NAA15: variants seen among roughly 807,000 people sequenced by gnomAD.
NAA15 encodes the protein N-alpha-acetyltransferase 15, NatA auxiliary subunit.
Under a neutral mutation model 114.0 loss-of-function variants are expected in NAA15, and 34 were observed. The observed-to-expected ratio is 0.30, with a 90% confidence interval of 0.23 to 0.40. The LOEUF (loss-of-function observed/expected upper bound fraction) is 0.40, where lower values mean the gene tolerates loss of function less well. Among genes scored for constraint, NAA15 ranks in the 10% least tolerant of loss-of-function variants. The pLI is 1.00. For missense variants in NAA15, 658 were observed against 1,004.5 expected (o/e 0.66, Z 4.66); for synonymous variants, 340 against 338.0 (o/e 1.01, Z -0.06).
intron 1 of NAA15, among the ~76,000 whole-genome samples, chr4:139,323,279 A>G (rs1173662056): frequency 6.6e-6 from 1 of 151,682 alleles, no homozygotes; most frequent in Non-Finnish European, 1.5e-5. Context: ...CTGGTCTCGA[A>G]CTCCTGACCT....
Position 139,386,198 on chromosome 4 carries a change from C to G in NAA15, c.2368C>G (p.Leu790Val). The change falls in exon 19 of 20, where the codon CTT becomes GTT. Residue 790 changes from leucine (L) to valine (V), a missense_variant. This residue lies in a region of NAA15 where 275 missense variants were observed against 371.1 expected (regional missense o/e 0.74). Coordinates refer to ENST00000296543, the MANE Select transcript of NAA15 (RefSeq NM_057175.5). ...GCGAGCTATAGAGTTGGCAACAACA[C>G]TTGATGAATCTCTCACTAACAGAAA... Reference protein sequence around the residue: ...QKRAIELATTLDESLTNRNLQ... With the variant: ...QKRAIELATTVDESLTNRNLQ... 6.2e-7 allele frequency: 1 copy of G among 1,608,786 alleles called. No individual in the cohort carries two copies. The highest frequency in any genetic ancestry group is 8.5e-7 in the Non-Finnish European group (1 of 1,176,544).
At chr4:139,347,499 G>A (rs781193732) in intron 6 of NAA15, among the ~76,000 whole-genome samples, 12 of 152,118 alleles carry the variant, frequency 7.9e-5, no homozygotes, top group Non-Finnish European at 5.9e-5. Context: ...TTAGCTGGGT[G>A]TGTTGGCTTA....
chr4:139,324,382 G>A (rs1461799865), intron 1 of NAA15, among the ~76,000 whole-genome samples: 3 of 152,296 alleles, frequency 2.0e-5, no homozygotes, highest in South Asian at 2.1e-4. Flanking sequence ...TTCTTCCATA[G>A]CAAGGGAAAT....
chr4:139,310,017 G>A (rs529933209), intron 1 of NAA15, among the ~76,000 whole-genome samples: 1 of 152,226 alleles, frequency 6.6e-6, no homozygotes, highest in African/African-American at 2.4e-5. Flanking sequence ...CGGTGTGATT[G>A]GGGGACTGGA....
At chr4:139,326,522 A>G (rs981742242) in intron 1 of NAA15, among the ~76,000 whole-genome samples, 1 of 152,236 alleles carries the variant, frequency 6.6e-6, no homozygotes, top group Non-Finnish European at 1.5e-5. Context: ...ATAAGATTAT[A>G]GAATTAAAGT....
At chr4:139,340,532 T>A (rs1349965873) in intron 3 of NAA15, among the ~76,000 whole-genome samples, 1 of 152,152 alleles carries the variant, frequency 6.6e-6, no homozygotes, top group Non-Finnish European at 1.5e-5. Context: ...ATATAGTAAC[T>A]GTTTACATAT....
At chr4:139,376,530 T>G in intron 16 of NAA15, 57 bp downstream of exon 16, 5 of 1,050,814 alleles carry the variant, frequency 4.8e-6, no homozygotes, top group Non-Finnish European at 7.4e-6. Flanking sequence ...TTCTTAGGTA[T>G]AGTCACCCAA....
At chr4:139,367,897 C>T (rs1193075701) in intron 14 of NAA15, among the ~76,000 whole-genome samples, 1 of 152,202 alleles carries the variant, frequency 6.6e-6, no homozygotes, top group Non-Finnish European at 1.5e-5. Flanking sequence ...TTTTATAACA[C>T]TGTTGCTAAA....
intron 1 of NAA15, among the ~76,000 whole-genome samples, chr4:139,315,023 T>G (rs534398663): frequency 1.5e-5 from 2 of 129,684 alleles, no homozygotes; most frequent in African/African-American, 7.3e-5. Context: ...TAGGTTAGGT[T>G]AGGTTAGGTT....
At chr4:139,314,899 A>G (rs975222473) in intron 1 of NAA15, among the ~76,000 whole-genome samples, 6 of 151,752 alleles carry the variant, frequency 4.0e-5, no homozygotes, top group African/African-American at 1.2e-4. Flanking sequence ...GATGGTCTCA[A>G]TCTCTTGACA....
intron 17 of NAA15, among the ~76,000 whole-genome samples, chr4:139,381,651 C>G (rs1370121439): frequency 6.6e-6 from 1 of 151,870 alleles, no homozygotes; most frequent in Admixed American, 6.6e-5. Flanking sequence ...TGTACTATAA[C>G]CTAGTAGTGA....
chr4:139,387,038 A>G (rs148725420), intron 19 of NAA15, among the ~76,000 whole-genome samples: 64 of 152,346 alleles, frequency 4.2e-4, no homozygotes, highest in African/African-American at 1.4e-3. Context: ...TATTCATTTA[A>G]TAGCAAATGA....
At position 139,359,767 on chromosome 4, in the gene NAA15, G is replaced by A; in HGVS notation, c.1282G>A (p.Ala428Thr). 6.2e-7 allele frequency: 1 copy of A among 1,602,874 alleles called. No homozygotes were observed. The highest frequency in any genetic ancestry group is 8.5e-7 in the Non-Finnish European group (1 of 1,177,726). Residue 428 changes from alanine (A) to threonine (T), a missense_variant, in exon 12 of 20, where the codon GCA becomes ACA. Ala to Thr is a moderately conservative substitution (Grantham distance 58, BLOSUM62 0). This residue lies in a region of NAA15 where 281 missense variants were observed against 389.1 expected (regional missense o/e 0.72). Transcript: ENST00000296543. The part of the protein sequence containing the change: ...YKHAGNIKEA[A>T]RWMDEAQALD... Reference sequence around the variant, plus strand: ...GCATGCTGGAAATATTAAAGAAGCTGCAAGGTGGATGGATGAGGCCCAGGC... The same window carrying A: ...GCATGCTGGAAATATTAAAGAAGCTACAAGGTGGATGGATGAGGCCCAGGC...
At chr4:139,309,468 TG>T (rs1311393417) in intron 1 of NAA15, among the ~76,000 whole-genome samples, 1 of 143,778 alleles carries the variant, frequency 7.0e-6, no homozygotes, top group East Asian at 2.1e-4. Context: ...TGTGTGTGTG[TG>T]TCCAGGATTT....
At chr4:139,332,361 C>T (rs6828287) in intron 1 of NAA15, among the ~76,000 whole-genome samples, 9,394 of 151,774 alleles carry the variant, frequency 0.062, 955 homozygotes, top group African/African-American at 0.21. Context: ...GAACTTCTGA[C>T]CTCGTGATCT....
chr4:139,382,410 T>C (rs1748778628), intron 17 of NAA15, among the ~76,000 whole-genome samples: 1 of 152,086 alleles, frequency 6.6e-6, no homozygotes, highest in Non-Finnish European at 1.5e-5. Context: ...TTGTTTAATC[T>C]GATTAAAACA....
At position 139,337,492 on chromosome 4, in the gene NAA15, CTG is replaced by C. The variant is rs1458030181; in HGVS notation, c.244+544_244+545del. Among the ~76,000 whole-genome samples the C allele has an allele frequency of 3.3e-5, 5 of 152,244 alleles. No individual in the cohort carries two copies. In the East Asian group the frequency reaches 9.6e-4, roughly 29 times the overall value. ...AATGGGGATAATCATACCCACCTCA[CTG>C]TGTTGGTTTAAAGACTTAATGATGA... is the stretch of plus-strand genomic sequence containing the variant. On this transcript the variant is annotated intron_variant, in intron 3 of 19. Transcript: ENST00000296543.
At position 139,370,420 on chromosome 4, in the gene NAA15, G is replaced by GT. The variant is rs1748403756; in HGVS notation, c.1947+19dup. On this transcript the variant is annotated intron_variant, in intron 15 of 19. Coordinates refer to ENST00000296543, the MANE Select transcript of NAA15 (RefSeq NM_057175.5). ...ACTGGCCAAGGTACTTAATAATAGT[G>GT]TTTAGCACAATTGAGTGACATTTTA... is the stretch of plus-strand genomic sequence containing the variant. The GT allele has an allele frequency of 6.5e-7, 1 of 1,531,216 alleles. No individual in the cohort carries two copies. Among genetic ancestry groups the GT allele is most frequent in the Admixed American group, 2.3e-5 (1 of 43,492 alleles). The allele number at this position is 1,531,216 out of a possible 1,614,324, so 94.9% of individuals were successfully genotyped here.
intron 14 of NAA15, among the ~76,000 whole-genome samples, chr4:139,364,521 G>A (rs1748223498): frequency 6.6e-6 from 1 of 152,066 alleles, no homozygotes; most frequent in Admixed American, 6.5e-5. Flanking sequence ...AATATTTATT[G>A]AGTAGGTTTT....
Sources: allele counts gnomAD v4.1 joint callset (sites outside exome capture counted in the v4.1 genomes callset), GRCh38; gene constraint gnomAD v4.1.1; regional missense constraint gnomAD v4.1.1; transcripts MANE v1.5; gene names NCBI Gene and HGNC (gene_info 2026-07-23, HGNC 2026-07-21).